Variants in GPC6 observed in about 807,000 individuals in gnomAD.
GPC6 encodes the protein glypican 6, also known as glypican-6.
A neutral mutation model predicts 55.2 loss-of-function variants in GPC6; 14 were observed. That is an observed-to-expected ratio of 0.25 (90% CI 0.17 to 0.40). The LOEUF is 0.40. Ranked by LOEUF, GPC6 falls within the 10% of genes least tolerant of loss-of-function variation. GPC6 has a pLI of 1.00. For missense variants in GPC6, 641 were observed against 708.5 expected (o/e 0.90, Z 1.08); for synonymous variants, 278 against 259.6 (o/e 1.07, Z -0.68).
chr13:94,003,370 GACA>G (rs1385981769), intron 3 of GPC6, among the ~76,000 whole-genome samples: 1 of 152,198 alleles, frequency 6.6e-6, no homozygotes, highest in Admixed American at 6.5e-5. Flanking sequence ...GCTGGAACAT[GACA>G]ACTGCATCAA....
intron 1 of GPC6, among the ~76,000 whole-genome samples, chr13:93,351,867 C>T (rs1880644844): frequency 6.6e-6 from 1 of 152,166 alleles, no homozygotes; most frequent in Middle Eastern, 3.4e-3. Flanking sequence ...AAAACCATGA[C>T]AATTAAAAGG....
chr13:93,590,743 T>C (rs981876047), intron 2 of GPC6, among the ~76,000 whole-genome samples: 1 of 152,214 alleles, frequency 6.6e-6, no homozygotes, highest in Non-Finnish European at 1.5e-5. Flanking sequence ...AGCCTTTATC[T>C]TCTTTGTTAA....
intron 3 of GPC6, among the ~76,000 whole-genome samples, chr13:93,951,323 G>T (rs1039687468): frequency 6.6e-6 from 1 of 151,948 alleles, no homozygotes; most frequent in African/African-American, 2.4e-5. Context: ...GTGATTTTAG[G>T]TCTGTTATTC....
chr13:93,426,336 T>G (rs1018055941), intron 1 of GPC6, among the ~76,000 whole-genome samples: 2 of 151,766 alleles, frequency 1.3e-5, no homozygotes, highest in Non-Finnish European at 2.9e-5. Flanking sequence ...GCTGCACCCA[T>G]TAACTCGTCA....
intron 4 of GPC6, among the ~76,000 whole-genome samples, chr13:94,031,099 T>A (rs1317984626): frequency 6.7e-6 from 1 of 149,400 alleles, no homozygotes; most frequent in Admixed American, 6.7e-5. Context: ...TGTGCGTGTG[T>A]GTGTGCGTGC....
rs1014156911 is a variant in GPC6, at chr13:94,404,515, G to A, written c.*1298G>A. The stretch of plus-strand genomic sequence containing the variant: ...TCAAAGAAGGGATTCCTCAGTGATC[G>A]GTGAGCACCAAGAATCAAGAAAGAG... On this transcript the variant is annotated 3_prime_UTR_variant, in exon 9 of 9. Transcript: ENST00000377047. The A allele has an allele frequency of 5.3e-5, 8 of 152,214 alleles. No homozygotes were observed. The South Asian group carries it at 1.0e-3, about 20-fold the overall frequency. The allele number at this position is 152,214 out of a possible 1,614,324, so 9.4% of individuals were successfully genotyped here. A position where few individuals can be genotyped will look rare whatever the true frequency, so the allele number is the denominator to read the frequency against.
intron 2 of GPC6, among the ~76,000 whole-genome samples, chr13:93,555,968 A>C (rs1594263497): frequency 6.6e-6 from 1 of 152,270 alleles, no homozygotes; most frequent in East Asian, 1.9e-4. Flanking sequence ...GAAGTTTTTG[A>C]ATCTTTCTTC....
chr13:93,863,025 A>G (rs1555337743), intron 3 of GPC6, among the ~76,000 whole-genome samples: 1 of 151,692 alleles, frequency 6.6e-6, no homozygotes, highest in Non-Finnish European at 1.5e-5. Flanking sequence ...AGGAACAAGG[A>G]TATGTCCCTT....
At chr13:93,813,291 G>T (rs1886753822) in intron 2 of GPC6, among the ~76,000 whole-genome samples, 1 of 152,054 alleles carries the variant, frequency 6.6e-6, no homozygotes, top group South Asian at 2.1e-4. Flanking sequence ...GTGGCAGGTG[G>T]ATGTAATCCC....
At chr13:93,852,724 T>C (rs1433213797) in intron 3 of GPC6, among the ~76,000 whole-genome samples, 1 of 151,604 alleles carries the variant, frequency 6.6e-6, no homozygotes, top group African/African-American at 2.4e-5. Flanking sequence ...ACTGTGATTC[T>C]GTTACTTGAA....
chr13:94,163,214 C>T (rs1594007843), intron 4 of GPC6, among the ~76,000 whole-genome samples: 1 of 152,054 alleles, frequency 6.6e-6, no homozygotes, highest in Non-Finnish European at 1.5e-5. Flanking sequence ...AATTTTTAAT[C>T]ATATGCAAAA....
intron 2 of GPC6, among the ~76,000 whole-genome samples, chr13:93,821,784 C>G (rs1272487395): frequency 6.6e-6 from 1 of 152,022 alleles, no homozygotes; most frequent in African/African-American, 2.4e-5. Flanking sequence ...AAAGTCAGGG[C>G]CCCCCTGTCT....
chr13:93,492,800 C>G (rs1021766607), intron 1 of GPC6, among the ~76,000 whole-genome samples: 3 of 150,336 alleles, frequency 2.0e-5, no homozygotes, highest in African/African-American at 7.3e-5. Context: ...TTGTCTTTGG[C>G]TCTGTTTATA....
chr13:93,399,688 G>A (rs1875998430), intron 1 of GPC6, among the ~76,000 whole-genome samples: 1 of 152,194 alleles, frequency 6.6e-6, no homozygotes, highest in Non-Finnish European at 1.5e-5. Context: ...TCCAGAGACT[G>A]TGCAACCACG....
intron 2 of GPC6, among the ~76,000 whole-genome samples, chr13:93,795,230 G>A (rs1266708841): frequency 2.0e-5 from 3 of 152,164 alleles, no homozygotes; most frequent in Non-Finnish European, 4.4e-5. Flanking sequence ...TGTGCTACAA[G>A]AGTTTGTGAT....
chr13:94,371,965 AT>A (rs1879563341), intron 6 of GPC6, among the ~76,000 whole-genome samples: 1 of 152,144 alleles, frequency 6.6e-6, no homozygotes, highest in South Asian at 2.1e-4. Flanking sequence ...TTTATTCAAC[AT>A]TCAAAATTAT....
At chr13:94,139,735 T>C (rs868834167) in intron 4 of GPC6, among the ~76,000 whole-genome samples, 1 of 152,184 alleles carries the variant, frequency 6.6e-6, no homozygotes, top group Non-Finnish European at 1.5e-5. Flanking sequence ...GTAATGCTGG[T>C]ATATGATGAG....
chr13:93,702,383 T>A (rs990277646), intron 2 of GPC6, among the ~76,000 whole-genome samples: 1 of 152,006 alleles, frequency 6.6e-6, no homozygotes, highest in Non-Finnish European at 1.5e-5. Flanking sequence ...TGAGCTTTGT[T>A]TTTTTGTTTC....
intron 6 of GPC6, among the ~76,000 whole-genome samples, chr13:94,319,789 C>T (rs561376205): frequency 1.3e-5 from 2 of 152,134 alleles, no homozygotes; most frequent in Admixed American, 6.6e-5. Flanking sequence ...TATTTTCTTT[C>T]AAGCTGCTTT....
Sources: allele counts gnomAD v4.1 joint callset (sites outside exome capture counted in the v4.1 genomes callset), GRCh38; gene constraint gnomAD v4.1.1; transcripts MANE v1.5; gene names NCBI Gene and HGNC (gene_info 2026-07-23, HGNC 2026-07-21).